PRCP: variants seen among roughly 807,000 people sequenced by gnomAD.
PRCP encodes the protein prolylcarboxypeptidase, also known as lysosomal Pro-X carboxypeptidase.
Under a neutral mutation model 54.2 loss-of-function variants are expected in PRCP, and 46 were observed. That is an observed-to-expected ratio of 0.85 (90% CI 0.67 to 1.09). PRCP has a LOEUF of 1.09. Among genes scored for constraint, PRCP ranks in the 50% least tolerant of loss-of-function variants. The pLI is 0.00. For synonymous variants in PRCP, 240 were observed against 212.2 expected (o/e 1.13, Z -1.14); for missense variants, 613 against 596.8 (o/e 1.03, Z -0.28).
chr11:82,875,707 T>C lies in PRCP; in HGVS notation c.169-15590A>G, dbSNP rs573863609. ...AAAGAAATTATTTCTATATAAGGAA[T>C]GCACATTATGAATGTGGGTGAGAAC... On this transcript the variant is annotated intron_variant, in intron 1 of 8. Transcript: ENST00000313010. 5.3e-5 allele frequency among the ~76,000 whole-genome samples: 8 copies of C among 152,280 alleles called. No individual in the cohort carries two copies. In the East Asian group the frequency reaches 1.4e-3, roughly 26 times the overall value.
chr11:82,872,191 C>T (rs189748781), intron 1 of PRCP, among the ~76,000 whole-genome samples: 2 of 152,080 alleles, frequency 1.3e-5, no homozygotes, highest in African/African-American at 2.4e-5. Flanking sequence ...CAGTACTAAC[C>T]GACATCTCTG....
intron 1 of PRCP, among the ~76,000 whole-genome samples, chr11:82,871,474 T>C (rs1038667175): frequency 1.3e-5 from 2 of 152,184 alleles, no homozygotes; most frequent in East Asian, 3.8e-4. Context: ...CCATTGCACC[T>C]GGACTGTTCT....
Position 82,825,084 on chromosome 11 carries a change from G to C in PRCP, c.1313C>G (p.Thr438Ser). Residue 438 changes from threonine (T) to serine (S), a missense_variant, in exon 9 of 9, where the codon ACT (threonine) becomes AGT (serine). Transcript: ENST00000313010. ...AACCAGAGTGTCTGTGATATCCTTA[G>C]TTACTCCACCTCCTGACCAGGGGTC... ...ELDPWSGGGV[T>S]KDITDTLVAV... 1 of 1,613,936 alleles carries C rather than the reference G, an allele frequency of 6.2e-7. No homozygotes were observed. The highest frequency in any genetic ancestry group is 8.5e-7 in the Non-Finnish European group (1 of 1,179,960).
At chr11:82,899,246 G>A (rs1860195013) in intron 1 of PRCP, among the ~76,000 whole-genome samples, 1 of 152,152 alleles carries the variant, frequency 6.6e-6, no homozygotes, top group Admixed American at 6.5e-5. Flanking sequence ...TATTATATGA[G>A]TGCCTACTTG....
rs2121259018 is a variant in PRCP, at chr11:82,887,511, T to C, written c.168+12724A>G. Among the ~76,000 whole-genome samples, 2 of 152,336 alleles carry C rather than the reference T, an allele frequency of 1.3e-5. 1 individual carries two copies. Among genetic ancestry groups the C allele is most frequent in the South Asian group, 4.1e-4 (2 of 4,828 alleles). On this transcript the variant is annotated intron_variant, in intron 1 of 8. Transcript: ENST00000313010. ...GAGCTCAGAAAACAATACCCCAAAGTATTGATACTATGTCAACTATCATAG... is the reference window on the plus strand; with the variant it reads ...GAGCTCAGAAAACAATACCCCAAAGCATTGATACTATGTCAACTATCATAG...
intron 8 of PRCP, chr11:82,835,921 G>C (rs1176645272): frequency 2.6e-6 from 1 of 386,210 alleles, no homozygotes; most frequent in Non-Finnish European, 5.1e-6. Context: ...AGCCGGGCGT[G>C]GTGGCTCATG....
intron 2 of PRCP, among the ~76,000 whole-genome samples, chr11:82,853,813 ATATAGGCTT>A (rs1360821238): frequency 6.6e-6 from 1 of 152,234 alleles, no homozygotes; most frequent in Non-Finnish European, 1.5e-5. Context: ...TACCAGAATC[ATATAGGCTT>A]TATTCCTGGA....
intron 1 of PRCP, among the ~76,000 whole-genome samples, chr11:82,894,321 A>T (rs1860070770): frequency 6.6e-6 from 1 of 152,228 alleles, no homozygotes; most frequent in Non-Finnish European, 1.5e-5. Context: ...TTTTTAATTT[A>T]AAAACACTTT....
intron 6 of PRCP, chr11:82,840,187 G>A (rs1394719802): frequency 6.6e-6 from 1 of 152,066 alleles, no homozygotes; most frequent in African/African-American, 2.4e-5. Flanking sequence ...TATAAAAAAT[G>A]CCTGGAATCC....
At chr11:82,853,335 A>G in intron 2 of PRCP, 57 bp from the exon 3 acceptor site, 1 of 1,462,124 alleles carries the variant, frequency 6.8e-7, no homozygotes, top group Non-Finnish European at 9.5e-7. Flanking sequence ...AAAGTCACTG[A>G]ACCTTTTGGC....
At position 82,849,316 on chromosome 11, in the gene PRCP, T is replaced by G; in HGVS notation, c.752-98A>C. 8.5e-6 allele frequency: 11 copies of G among 1,299,592 alleles called. 1 individual carries two copies. In the South Asian group the frequency reaches 1.5e-4, roughly 18 times the overall value. The allele number at this position is 1,299,592 out of a possible 1,614,324, so 80.5% of individuals were successfully genotyped here. On this transcript the variant is annotated intron_variant, in intron 5 of 8. Transcript: ENST00000313010. Reference sequence around the variant, plus strand: ...TCACATAGTATTTTAGAAAACTCAATCTTTTATACCCCTTCTCCCAGGATA... The same window carrying G: ...TCACATAGTATTTTAGAAAACTCAAGCTTTTATACCCCTTCTCCCAGGATA...
chr11:82,887,174 C>T (rs1245517847), intron 1 of PRCP, among the ~76,000 whole-genome samples: 2 of 152,194 alleles, frequency 1.3e-5, no homozygotes, highest in Non-Finnish European at 2.9e-5. Flanking sequence ...TCTGGTCTCT[C>T]CTTTAACATC....
intron 1 of PRCP, among the ~76,000 whole-genome samples, chr11:82,872,175 A>G (rs1859497037): frequency 6.6e-6 from 1 of 152,254 alleles, no homozygotes; most frequent in Admixed American, 6.5e-5. Flanking sequence ...TACTATATAT[A>G]GGGTTCAGTA....
At chr11:82,826,731 T>C (rs1336452617) in intron 8 of PRCP, 2 of 152,376 alleles carry the variant, frequency 1.3e-5, no homozygotes, top group African/African-American at 4.8e-5. Context: ...TATGTGCTGA[T>C]TGGCCATTTT....
intron 5 of PRCP, 60 bp from the exon 6 acceptor site, chr11:82,849,278 G>A: frequency 6.5e-7 from 1 of 1,538,456 alleles, no homozygotes; most frequent in Non-Finnish European, 8.9e-7. Context: ...TGTCTTTACA[G>A]ATCATTTATT....
Position 82,860,007 on chromosome 11 carries a change from T to G in PRCP, c.279A>C (p.Glu93Asp). Residue 93 changes from glutamate to aspartate, a missense_variant, in exon 2 of 9, where the codon GAA (glutamate) becomes GAC (aspartate). Physicochemically the swap from Glu to Asp is conservative, Grantham distance 45. Transcript: ENST00000313010. Reference protein sequence around the residue: ...GGSILFYTGNEGDIIWFCNNT... With the variant: ...GGSILFYTGNDGDIIWFCNNT... ...TATTACAAAACCAGATAATGTCCCC[T>G]TCATTACCAGTGTAGAAAAGTATTG... The G allele has an allele frequency of 6.3e-7, 1 of 1,590,302 alleles. No individual in the cohort carries two copies. Among genetic ancestry groups the G allele is most frequent in the African/African-American group, 1.4e-5 (1 of 73,540 alleles).
At chr11:82,842,463 G>A (rs111789826) in intron 6 of PRCP, among the ~76,000 whole-genome samples, 7 of 152,236 alleles carry the variant, frequency 4.6e-5, no homozygotes, top group African/African-American at 1.2e-4. Flanking sequence ...GAAGGGCACC[G>A]ACCAACATTA....
intron 8 of PRCP, chr11:82,826,948 T>A (rs1291607623): frequency 6.6e-6 from 1 of 152,164 alleles, no homozygotes; most frequent in Non-Finnish European, 1.5e-5. Flanking sequence ...ACAGATTCCT[T>A]AGGCAAAAAA....
At chr11:82,866,595 A>C (rs576633959) in intron 1 of PRCP, among the ~76,000 whole-genome samples, 1 of 152,320 alleles carries the variant, frequency 6.6e-6, no homozygotes, top group East Asian at 1.9e-4. Flanking sequence ...AATAAGTGAT[A>C]ATGGGAGAGT....
Sources: allele counts gnomAD v4.1 joint callset (sites outside exome capture counted in the v4.1 genomes callset), GRCh38; gene constraint gnomAD v4.1.1; transcripts MANE v1.5; gene names NCBI Gene and HGNC (gene_info 2026-07-23, HGNC 2026-07-21).